Variants in SOX30 observed in about 807,000 individuals in gnomAD.
SOX30 encodes SRY-box transcription factor 30.
In SOX30, 17 loss-of-function variants were observed where a neutral mutation model predicts 58.6. The ratio of observed to expected loss-of-function variants is 0.29; its 90% CI spans 0.20 to 0.44. SOX30 has a LOEUF of 0.44. SOX30 is among the 20% of genes least tolerant of loss of function. The pLI is 1.00. For missense variants in SOX30, 951 were observed against 965.8 expected, an observed-to-expected ratio of 0.98 and a Z score of 0.20; for synonymous variants, 421 against 400.2, an observed-to-expected ratio of 1.05 and a Z score of -0.62.
At chr5:157,671,051 C>T (rs1759770731) in intron 1 of SOX30, among the ~76,000 whole-genome samples, 1 of 152,116 alleles carries the variant, frequency 6.6e-6, no homozygotes, top group African/African-American at 2.4e-5. Flanking sequence ...CAGGAGATGG[C>T]GGATTCATTC....
chr5:157,651,178 G>A lies in SOX30; in HGVS notation c.901C>T (p.Leu301=). Residue 301 remains leucine (L), a synonymous_variant, in exon 1 of 5, where the codon CTA becomes TTA. Coordinates refer to ENST00000265007, the MANE Select transcript of SOX30 (RefSeq NM_178424.2). ...TCAATTTTTACAGAAGGCTCCAGTA[G>A]GGACTGCATTTTAGTAGGCACTGGT... ...LTPVPTKMQS[L]LEPSVKIETK... 6.2e-7 allele frequency: 1 copy of A among 1,607,772 alleles called. No individual in the cohort carries two copies. Among genetic ancestry groups the A allele is most frequent in the African/African-American group, 1.3e-5 (1 of 74,736 alleles).
At chr5:157,663,187 A>G (rs1383756446) in intron 2 of SOX30, among the ~76,000 whole-genome samples, 4 of 152,240 alleles carry the variant, frequency 2.6e-5, no homozygotes, top group African/African-American at 9.6e-5. Context: ...GATGAACATC[A>G]ATGCAAAAAT....
intron 4 of SOX30, among the ~76,000 whole-genome samples, chr5:157,637,213 TA>T (rs753351875): frequency 7.9e-5 from 12 of 152,002 alleles, no homozygotes; most frequent in Non-Finnish European, 1.6e-4. Flanking sequence ...GTTAAATTTC[TA>T]TCATTCCAAA....
At position 157,652,048 on chromosome 5, in the gene SOX30, G is replaced by C; in HGVS notation, c.31C>G (p.Gln11Glu). 7.0e-7 allele frequency: 1 copy of C among 1,423,194 alleles called. No homozygotes were observed. Among genetic ancestry groups the C allele is most frequent in the Non-Finnish European group, 9.1e-7 (1 of 1,097,150 alleles). The allele number at this position is 1,423,194 out of a possible 1,614,324, so 88.2% of individuals were successfully genotyped here. A position where few individuals can be genotyped will look rare whatever the true frequency, so the allele number is the denominator to read the frequency against. MERARPEPPPQPRPLRPAPPP... is the reference protein window; with the variant it reads MERARPEPPPEPRPLRPAPPP... ...GGAGCGGGACGCAACGGGCGCGGCTGAGGCGGCGGCTCGGGTCTGGCTCTC... is the reference window on the plus strand; with the variant it reads ...GGAGCGGGACGCAACGGGCGCGGCTCAGGCGGCGGCTCGGGTCTGGCTCTC... The change falls in exon 1 of 5, where the codon CAG becomes GAG. Residue 11 changes from glutamine to glutamate, a missense_variant. Physicochemically the swap from Gln to Glu is conservative, Grantham distance 29. Around this residue, in one of 7 missense-constraint regions of SOX30, gnomAD observed 363 missense variants for 294.5 expected, o/e 1.23. Coordinates refer to ENST00000265007, the MANE Select transcript of SOX30 (RefSeq NM_178424.2).
chr5:157,668,148 G>A (rs1313231683), intron 1 of SOX30, among the ~76,000 whole-genome samples: 1 of 152,220 alleles, frequency 6.6e-6, no homozygotes, highest in Non-Finnish European at 1.5e-5. Flanking sequence ...CTCTGTGAGG[G>A]ATGCCCATGT....
At chr5:157,665,487 T>C (rs932514856) in intron 2 of SOX30, among the ~76,000 whole-genome samples, 1 of 151,916 alleles carries the variant, frequency 6.6e-6, no homozygotes, top group Non-Finnish European at 1.5e-5. Context: ...TTAGGAGATA[T>C]ACCTAATGTT....
Position 157,652,000 on chromosome 5 carries a change from T to A in SOX30, c.79A>T (p.Thr27Ser), listed in dbSNP as rs1260998320. 11 of 1,431,956 alleles carry A rather than the reference T, an allele frequency of 7.7e-6. No individual in the cohort carries two copies. The highest frequency in any genetic ancestry group is 1.0e-5 in the Non-Finnish European group (11 of 1,101,010). The allele number at this position is 1,431,956 out of a possible 1,614,324, so 88.7% of individuals were successfully genotyped here. A position where few individuals can be genotyped will look rare whatever the true frequency, so the allele number is the denominator to read the frequency against. The change falls in exon 1 of 5, where the codon ACC (threonine) becomes TCC (serine). Residue 27 changes from threonine to serine, a missense_variant. Transcript: ENST00000265007. ...TCCATGGCTGCTGCCCAAAAGGAGG[T>A]GCCCTCGACCGGCAGCGGGGGCGGA... is the stretch of plus-strand genomic sequence containing the variant. ...PAPPPLPVEG[T>S]SFWAAAMEPP...
At chr5:157,642,723 GC>G (rs1581395612) in intron 3 of SOX30, among the ~76,000 whole-genome samples, 1 of 151,940 alleles carries the variant, frequency 6.6e-6, no homozygotes, top group East Asian at 1.9e-4. Flanking sequence ...GTACAAATGA[GC>G]CCAACTGCGG....
intron 4 of SOX30, among the ~76,000 whole-genome samples, chr5:157,630,863 T>TA (rs1758772519): frequency 1.5e-5 from 2 of 134,926 alleles, no homozygotes; most frequent in South Asian, 4.3e-4. Flanking sequence ...TTATATATTT[T>TA]TATATATATA....
chr5:157,648,240 G>A (rs1282560839), intron 2 of SOX30, among the ~76,000 whole-genome samples: 1 of 152,134 alleles, frequency 6.6e-6, no homozygotes, highest in Non-Finnish European at 1.5e-5. Context: ...ACAATCATAT[G>A]TTAAAATGGA....
rs1205738476 is a variant in SOX30 at position 157,626,023 on chromosome 5, CCT to C, written c.*315_*316del. 2 of 200,318 alleles carry C rather than the reference CCT, an allele frequency of 1.0e-5. No homozygotes were observed. Among genetic ancestry groups the C allele is most frequent in the Non-Finnish European group, 2.0e-5 (2 of 100,434 alleles). The allele number at this position is 200,318 out of a possible 1,614,324, so 12.4% of individuals were successfully genotyped here. A position where few individuals can be genotyped will look rare whatever the true frequency, so the allele number is the denominator to read the frequency against. ...ATCACACTATGCTAGATTTATTTCC[CCT>C]TTCCCCTCACATACAACTGTGAGGC... is the stretch of plus-strand genomic sequence containing the variant. On this transcript the variant is annotated 3_prime_UTR_variant, in exon 5 of 5. Coordinates refer to ENST00000265007, the MANE Select transcript of SOX30 (RefSeq NM_178424.2).
chr5:157,667,927 C>G, intron 1 of SOX30: 1 of 1,444,944 alleles, frequency 6.9e-7, no homozygotes, highest in Non-Finnish European at 9.3e-7. Flanking sequence ...TTACCTCATT[C>G]ATTCCCCACA....
In SOX30 at chr5:157,652,136, C is replaced by T. The variant is rs1759371900; in HGVS notation, c.-58G>A. 4 of 1,381,532 alleles carry T rather than the reference C, an allele frequency of 2.9e-6. No homozygotes were observed. In the South Asian group the frequency reaches 5.2e-5, roughly 18 times the overall value. The allele number at this position is 1,381,532 out of a possible 1,614,324, so 85.6% of individuals were successfully genotyped here. The stretch of plus-strand genomic sequence containing the variant: ...GCTCAGCCGTTTGTTGGCGACCTTC[C>T]CCCTCCCCCTTTCGGTTAAGAGCCT... On this transcript the variant is annotated 5_prime_UTR_variant, in exon 1 of 5. Transcript: ENST00000265007.
At chr5:157,647,795 G>A (rs1359185138) in intron 2 of SOX30, among the ~76,000 whole-genome samples, 1 of 151,536 alleles carries the variant, frequency 6.6e-6, no homozygotes, top group African/African-American at 2.4e-5. Flanking sequence ...TCCTGACCTC[G>A]TGATCCACCC....
rs941040083 is a variant in SOX30, at chr5:157,626,046, G to A, written c.*294C>T. On this transcript the variant is annotated 3_prime_UTR_variant, in exon 5 of 5. Transcript: ENST00000265007. ...CCCCTTTCCCCTCACATACAACTGTGAGGCTTCAGTATTTTGCATGTTCCA... is the reference window on the plus strand; with the variant it reads ...CCCCTTTCCCCTCACATACAACTGTAAGGCTTCAGTATTTTGCATGTTCCA... The A allele has an allele frequency of 4.2e-6, 1 of 240,884 alleles. No homozygotes were observed. The highest frequency in any genetic ancestry group is 2.3e-5 in the African/African-American group (1 of 44,394). 14.9% of individuals were successfully genotyped at this position (240,884 alleles called of 1,614,324 possible).
At chr5:157,646,870 A>C (rs1020520424) in intron 2 of SOX30, 54 bp from the exon 3 acceptor site, 5 of 1,314,124 alleles carry the variant, frequency 3.8e-6, no homozygotes, top group African/African-American at 1.5e-5. Flanking sequence ...CCTTTAAATA[A>C]TTTTTTTCAT....
intron 4 of SOX30, among the ~76,000 whole-genome samples, chr5:157,628,158 AT>A (rs1386990513): frequency 2.0e-5 from 3 of 152,050 alleles, no homozygotes; most frequent in African/African-American, 4.8e-5. Context: ...TCAAAAAAAA[AT>A]TTTTTTAAAA....
intron 3 of SOX30, among the ~76,000 whole-genome samples, chr5:157,642,612 A>C (rs1393261150): frequency 2.6e-5 from 4 of 152,172 alleles, no homozygotes; most frequent in Admixed American, 2.6e-4. Flanking sequence ...TGTGCCTCAA[A>C]GTCACAGTTA....
intron 1 of SOX30, among the ~76,000 whole-genome samples, chr5:157,650,419 C>A (rs1759300586): frequency 1.3e-5 from 2 of 152,188 alleles, no homozygotes; most frequent in Non-Finnish European, 2.9e-5. Context: ...TCTGTGTGAA[C>A]TAAATCTTAA....
Sources: gnomAD v4.1 joint callset for allele counts (sites outside exome capture counted in the v4.1 genomes callset) on GRCh38, gnomAD v4.1.1 for gene constraint, gnomAD v4.1.1 regional missense constraint, MANE v1.5 for transcripts, NCBI Gene and HGNC (gene_info 2026-07-23, HGNC 2026-07-21) for gene names.